The following GGNBP2 variants were observed in gnomAD, a reference collection of about 807,000 sequenced individuals.
The protein encoded by GGNBP2 is gametogenetin binding protein 2, also known as gametogenetin-binding protein 2.
In GGNBP2, 10 loss-of-function variants were observed where a neutral mutation model predicts 85.9. The ratio of observed to expected loss-of-function variants is 0.12; its 90% CI spans 0.07 to 0.20. The LOEUF (loss-of-function observed/expected upper bound fraction) is 0.20, where lower values mean the gene tolerates loss of function less well. Among genes scored for constraint, GGNBP2 ranks in the 10% least tolerant of loss-of-function variants. GGNBP2 has a pLI of 1.00. For synonymous variants in GGNBP2, 287 were observed against 285.7 expected (o/e 1.00, Z -0.05); for missense variants, 595 against 857.8 (o/e 0.69, Z 3.83).
intron 6 of GGNBP2, chr17:36,574,765 C>T: frequency 1.6e-6 from 1 of 637,690 alleles, no homozygotes; most frequent in Non-Finnish European, 2.8e-6. Flanking sequence ...TGAGGCGCAC[C>T]AGCACAGAGC....
chr17:36,567,294 GTTATA>G (rs1327273445), intron 5 of GGNBP2, among the ~76,000 whole-genome samples: 5 of 152,184 alleles, frequency 3.3e-5, no homozygotes, highest in African/African-American at 1.2e-4. Flanking sequence ...TTAAATGAAC[GTTATA>G]TTAATATAAA....
chr17:36,565,051 G>C (rs1344489034), intron 5 of GGNBP2, among the ~76,000 whole-genome samples: 1 of 152,142 alleles, frequency 6.6e-6, no homozygotes, highest in Non-Finnish European at 1.5e-5. Context: ...TGGTAGAAAA[G>C]AAATTAGTAA....
chr17:36,569,590 T>G (rs2074502753), intron 6 of GGNBP2, among the ~76,000 whole-genome samples: 1 of 152,240 alleles, frequency 6.6e-6, no homozygotes, highest in Non-Finnish European at 1.5e-5. Context: ...GTGTCATTAC[T>G]TTATGTGGCA....
rs747812920 is a variant in GGNBP2 at position 36,585,434 on chromosome 17, C to T, written c.1350C>T (p.Ser450=). The T allele has an allele frequency of 3.6e-5, 58 of 1,594,240 alleles. No individual in the cohort carries two copies. The highest frequency in any genetic ancestry group is 4.9e-5 in the Non-Finnish European group (57 of 1,171,866). Residue 450 remains serine (S), a synonymous_variant, in exon 10 of 14, where the codon TCC becomes TCT. Transcript: ENST00000613102. ...TCPSSGNLLG[S]PKIKKGLSPH... ...CTAGCAGTGGCAATCTTTTGGGGTCCCCTAAAATAAAGAAAGGTAAGTAAA... is the reference window on the plus strand; with the variant it reads ...CTAGCAGTGGCAATCTTTTGGGGTCTCCTAAAATAAAGAAAGGTAAGTAAA...
At position 36,581,328 on chromosome 17, in the gene GGNBP2, C is replaced by G; in HGVS notation, c.1021-16C>G. On this transcript the variant is annotated splice_polypyrimidine_tract_variant and intron_variant, in intron 8 of 13. Transcript: ENST00000613102. ...GTTCTGACCAATATTCACCCTCAAC[C>G]TTATTTTTATAATAGATGACCGTGG... 6.5e-7 allele frequency: 1 copy of G among 1,545,532 alleles called. No individual in the cohort carries two copies. The highest frequency in any genetic ancestry group is 8.8e-7 in the Non-Finnish European group (1 of 1,139,792).
At chr17:36,545,845 G>C (rs781468186) in intron 2 of GGNBP2, 28 bp downstream of exon 2, 1 of 1,484,496 alleles carries the variant, frequency 6.7e-7, no homozygotes, top group Non-Finnish European at 9.2e-7. Context: ...GGCTGGGCCC[G>C]CCGCTCCCCT....
intron 8 of GGNBP2, among the ~76,000 whole-genome samples, chr17:36,580,981 A>G (rs2074643439): frequency 6.7e-6 from 1 of 150,144 alleles, no homozygotes; most frequent in African/African-American, 2.5e-5. Flanking sequence ...AGGAGTGTGT[A>G]TATTACCACA....
chr17:36,578,400 C>T (rs1012624582), intron 7 of GGNBP2: 2 of 457,760 alleles, frequency 4.4e-6, no homozygotes, highest in African/African-American at 2.0e-5. Flanking sequence ...CAGTCCTCTG[C>T]TAGTTCTTGC....
chr17:36,583,361 A>C (rs957913932), intron 9 of GGNBP2, among the ~76,000 whole-genome samples: 2 of 151,912 alleles, frequency 1.3e-5, no homozygotes, highest in Non-Finnish European at 2.9e-5. Flanking sequence ...GGAATATACT[A>C]GATTCTTATA....
At chr17:36,557,665 C>T (rs2074375983) in intron 4 of GGNBP2, among the ~76,000 whole-genome samples, 1 of 152,036 alleles carries the variant, frequency 6.6e-6, no homozygotes, top group Admixed American at 6.6e-5. Flanking sequence ...AGTGAGCAAG[C>T]AAATCTTGTA....
At chr17:36,557,023 T>C (rs2074368942) in intron 3 of GGNBP2, 60 bp from the exon 4 acceptor site, 3 of 1,597,708 alleles carry the variant, frequency 1.9e-6, no homozygotes, top group Non-Finnish European at 2.6e-6. Flanking sequence ...CCAGTAGTAG[T>C]GAAAGTGTAA....
chr17:36,554,352 A>ATTTTTTTTTTTTTTTTTT (rs780217291), intron 2 of GGNBP2, among the ~76,000 whole-genome samples: 2 of 44,480 alleles, frequency 4.5e-5, no homozygotes, highest in African/African-American at 1.1e-4. Context: ...ATGTACTTGA[A>ATTTTTTTTTTTTTTTTTT]TTTTTTTTTT....
intron 2 of GGNBP2, among the ~76,000 whole-genome samples, chr17:36,553,930 G>C (rs2074335268): frequency 1.3e-5 from 2 of 152,096 alleles, no homozygotes; most frequent in Admixed American, 1.3e-4. Context: ...GCCTCCTTAA[G>C]TTTCATATGC....
At chr17:36,569,013 G>A (rs1447064202) in intron 6 of GGNBP2, among the ~76,000 whole-genome samples, 2 of 152,080 alleles carry the variant, frequency 1.3e-5, no homozygotes, top group South Asian at 2.1e-4. Context: ...TCAGCCTCCC[G>A]AAGTGCTGGG....
intron 4 of GGNBP2, among the ~76,000 whole-genome samples, chr17:36,557,940 C>T (rs1323108581): frequency 1.3e-5 from 2 of 151,700 alleles, no homozygotes; most frequent in Admixed American, 6.6e-5. Flanking sequence ...GGTGAAACCC[C>T]ATCTCTACTA....
chr17:36,583,197 G>A (rs559207650), intron 9 of GGNBP2, among the ~76,000 whole-genome samples: 4 of 152,186 alleles, frequency 2.6e-5, no homozygotes, highest in Admixed American at 6.5e-5. Flanking sequence ...GGGGCTACAG[G>A]CGTGTGCCAC....
intron 13 of GGNBP2, among the ~76,000 whole-genome samples, chr17:36,588,459 T>C (rs2074724930): frequency 6.6e-6 from 1 of 152,176 alleles, no homozygotes; most frequent in Non-Finnish European, 1.5e-5. Context: ...TTTCTCCATG[T>C]TGGTCAGGCT....
chr17:36,566,637 C>T (rs1371779298), intron 5 of GGNBP2, among the ~76,000 whole-genome samples: 2 of 151,712 alleles, frequency 1.3e-5, no homozygotes, highest in Non-Finnish European at 2.9e-5. Flanking sequence ...GCCAAGATCA[C>T]GCCACTGCAT....
chr17:36,567,835 G>A, intron 6 of GGNBP2, 59 bp downstream of exon 6: 1 of 843,476 alleles, frequency 1.2e-6, no homozygotes, highest in South Asian at 1.5e-5. Context: ...CAGTCACCTA[G>A]AGTGGCCTGT....
Sources: allele counts gnomAD v4.1 joint callset (sites outside exome capture counted in the v4.1 genomes callset), GRCh38; gene constraint gnomAD v4.1.1; transcripts MANE v1.5; gene names NCBI Gene and HGNC (gene_info 2026-07-23, HGNC 2026-07-21).